Variants in ARNT2 observed in about 807,000 individuals in gnomAD.
ARNT2 encodes aryl hydrocarbon receptor nuclear translocator 2, also known as ARNT protein 2.
ARNT2 carries 36 observed loss-of-function variants against 91.7 expected under a neutral mutation model. That is an observed-to-expected ratio of 0.39 (90% CI 0.30 to 0.52). The LOEUF (loss-of-function observed/expected upper bound fraction) is 0.52, where lower values mean the gene tolerates loss of function less well. Ranked by LOEUF, ARNT2 falls within the 20% of genes least tolerant of loss-of-function variation. ARNT2 has a pLI of 0.72. For missense variants in ARNT2, 775 were observed against 939.3 expected, an observed-to-expected ratio of 0.83 and a Z score of 2.29; for synonymous variants, 365 against 347.1, an observed-to-expected ratio of 1.05 and a Z score of -0.57.
Position 80,431,229 on chromosome 15 carries a change from T to C in ARNT2, c.32-19651T>C, listed in dbSNP as rs570700374. On this transcript the variant is annotated intron_variant, in intron 1 of 18. Transcript: ENST00000303329. The stretch of plus-strand genomic sequence containing the variant: ...GGCCTTGTGAACAGCACGCCCCCTC[T>C]GTCCTCTCTGCATGTTCTTCTCGAG... Among the ~76,000 whole-genome samples, 16 of 152,346 alleles carry C rather than the reference T, an allele frequency of 1.1e-4. No individual in the cohort carries two copies. In the South Asian group the frequency reaches 2.1e-3, roughly 20 times the overall value.
chr15:80,551,749 T>C (rs1898084858), intron 9 of ARNT2, among the ~76,000 whole-genome samples: 1 of 152,140 alleles, frequency 6.6e-6, no homozygotes, highest in South Asian at 2.1e-4. Context: ...CTCCTTCTTC[T>C]CCTTTCAATG....
intron 8 of ARNT2, among the ~76,000 whole-genome samples, chr15:80,519,684 CTTTTT>C (rs1172255165): frequency 3.3e-5 from 4 of 121,270 alleles, no homozygotes; most frequent in Non-Finnish European, 6.8e-5. Flanking sequence ...AGGTATGTAG[CTTTTT>C]TTTTTTTTTT....
At chr15:80,546,514 AGG>A (rs1466683134) in intron 8 of ARNT2, among the ~76,000 whole-genome samples, 1 of 152,222 alleles carries the variant, frequency 6.6e-6, no homozygotes, top group Non-Finnish European at 1.5e-5. Flanking sequence ...GAGCAGAAAG[AGG>A]AGGATGTTTT....
chr15:80,528,079 G>A (rs1232006847), intron 8 of ARNT2, among the ~76,000 whole-genome samples: 1 of 152,224 alleles, frequency 6.6e-6, no homozygotes, highest in Non-Finnish European at 1.5e-5. Flanking sequence ...AATAACCCAT[G>A]GAGAAGCTGT....
At chr15:80,446,229 C>T (rs912579136) in intron 1 of ARNT2, among the ~76,000 whole-genome samples, 4 of 152,034 alleles carry the variant, frequency 2.6e-5, no homozygotes, top group Non-Finnish European at 5.9e-5. Flanking sequence ...TTGGAAAAGA[C>T]GTTCTGTGCT....
At chr15:80,554,278 G>A (rs1209792151) in intron 10 of ARNT2, among the ~76,000 whole-genome samples, 3 of 152,040 alleles carry the variant, frequency 2.0e-5, no homozygotes, top group Admixed American at 6.6e-5. Flanking sequence ...GCATGGTGGC[G>A]GGTGCTTGTA....
intron 3 of ARNT2, among the ~76,000 whole-genome samples, chr15:80,464,816 A>C (rs1297016951): frequency 6.6e-6 from 1 of 152,174 alleles, no homozygotes; most frequent in African/African-American, 2.4e-5. Context: ...GGAAAGGTAC[A>C]GTCTTCCTTC....
intron 17 of ARNT2, 92 bp downstream of exon 17, chr15:80,581,496 C>T (rs1898797498): frequency 1.8e-5 from 27 of 1,527,480 alleles, no homozygotes; most frequent in Middle Eastern, 3.4e-4. Flanking sequence ...TCCAAGCTCC[C>T]AGCTACCAAA....
intron 8 of ARNT2, among the ~76,000 whole-genome samples, chr15:80,527,983 T>G (rs1302610897): frequency 6.6e-6 from 1 of 152,118 alleles, no homozygotes; most frequent in Non-Finnish European, 1.5e-5. Context: ...AGGTTTTAAA[T>G]TATTCTTCTG....
At chr15:80,535,760 G>T (rs1897813276) in intron 8 of ARNT2, among the ~76,000 whole-genome samples, 1 of 149,562 alleles carries the variant, frequency 6.7e-6, no homozygotes, top group South Asian at 2.1e-4. Flanking sequence ...TAAATAAAAG[G>T]CCCCGGACAT....
At chr15:80,469,360 T>C (rs944358662) in intron 3 of ARNT2, among the ~76,000 whole-genome samples, 3 of 152,168 alleles carry the variant, frequency 2.0e-5, no homozygotes, top group African/African-American at 7.2e-5. Context: ...GTTACTATGC[T>C]GCAGAAAATC....
At chr15:80,439,062 C>T (rs1896143716) in intron 1 of ARNT2, among the ~76,000 whole-genome samples, 1 of 152,166 alleles carries the variant, frequency 6.6e-6, no homozygotes, top group Non-Finnish European at 1.5e-5. Context: ...AAATTAATAG[C>T]TTTTACCATA....
At chr15:80,412,528 A>G (rs1168899385) in intron 1 of ARNT2, among the ~76,000 whole-genome samples, 1 of 152,232 alleles carries the variant, frequency 6.6e-6, no homozygotes, top group Admixed American at 6.5e-5. Flanking sequence ...ATATAACAAA[A>G]TAGAATTATT....
chr15:80,543,762 C>T (rs56048362), intron 8 of ARNT2, among the ~76,000 whole-genome samples: 60,672 of 151,908 alleles, frequency 0.4, 12,885 homozygotes, highest in African/African-American at 0.52. Context: ...TATTATTTTA[C>T]TTTATTTTTG....
chr15:80,530,709 A>G (rs959776345), intron 8 of ARNT2, among the ~76,000 whole-genome samples: 1 of 152,152 alleles, frequency 6.6e-6, no homozygotes, highest in Non-Finnish European at 1.5e-5. Context: ...AGCACCTGGT[A>G]TACTTCAAAG....
At chr15:80,434,313 C>T (rs191062182) in intron 1 of ARNT2, 1 of 152,180 alleles carries the variant, frequency 6.6e-6, no homozygotes, top group Admixed American at 6.5e-5. Flanking sequence ...TATGATTTTA[C>T]AAGATTTCCT....
chr15:80,595,972 G>A lies in ARNT2; in HGVS notation c.*2274G>A, dbSNP rs1474107265. ...AGTCTTTTTATAGCCTTTAGCTTGTGAGTTTGGAAGTTTGGGGGGTCTTAT... is the reference window on the plus strand; with the variant it reads ...AGTCTTTTTATAGCCTTTAGCTTGTAAGTTTGGAAGTTTGGGGGGTCTTAT... On this transcript the variant is annotated 3_prime_UTR_variant, in exon 19 of 19. Coordinates refer to ENST00000303329, the MANE Select transcript of ARNT2 (RefSeq NM_014862.4). 6.6e-6 allele frequency: 1 copy of A among 152,256 alleles called. No individual in the cohort carries two copies. Among genetic ancestry groups the A allele is most frequent in the African/African-American group, 2.4e-5 (1 of 41,468 alleles). The allele number at this position is 152,256 out of a possible 1,614,324, so 9.4% of individuals were successfully genotyped here. A position where few individuals can be genotyped will look rare whatever the true frequency, so the allele number is the denominator to read the frequency against.
intron 1 of ARNT2, among the ~76,000 whole-genome samples, chr15:80,439,243 A>AT (rs1168746581): frequency 1.3e-5 from 2 of 152,210 alleles, no homozygotes; most frequent in Non-Finnish European, 2.9e-5. Context: ...CAATAAGTTC[A>AT]TGTGGCATGG....
chr15:80,464,833 G>C (rs1284670760), intron 3 of ARNT2, among the ~76,000 whole-genome samples: 3 of 152,162 alleles, frequency 2.0e-5, no homozygotes, highest in Non-Finnish European at 4.4e-5. Context: ...CTTCCCGAGT[G>C]TCACCGAGGT....
Sources: allele counts gnomAD v4.1 joint callset (sites outside exome capture counted in the v4.1 genomes callset), GRCh38; gene constraint gnomAD v4.1.1; transcripts MANE v1.5; gene names NCBI Gene and HGNC (gene_info 2026-07-23, HGNC 2026-07-21).